CAPN9: variants seen among roughly 807,000 people sequenced by gnomAD.
CAPN9 encodes calpain-9.
Under a neutral mutation model 92.8 loss-of-function variants are expected in CAPN9, and 81 were observed. The ratio of observed to expected loss-of-function variants is 0.87; its 90% CI spans 0.73 to 1.05. The LOEUF is 1.05. Ranked by LOEUF, CAPN9 falls within the 50% of genes least tolerant of loss-of-function variation. The probability of loss-of-function intolerance (pLI) is 0.00; values close to 1 mark genes in which losing one functional copy is unlikely to be tolerated. For missense variants in CAPN9, 848 were observed against 866.2 expected (o/e 0.98, Z 0.26); for synonymous variants, 304 against 328.0 (o/e 0.93, Z 0.79).
chr1:230,772,146 G>GGGCCAGAGCTGGCTTGTGC, intron 7 of CAPN9, 47 bp downstream of exon 7: 1 of 1,518,122 alleles, frequency 6.6e-7, no homozygotes, highest in South Asian at 1.1e-5. Context: ...GGGGCGTGTG[G>GGGCCAGAGCTGGCTTGTGC]GGCCAGAGCT....
chr1:230,795,206 G>T lies in CAPN9; in HGVS notation c.1914G>T (p.Arg638Ser). Residue 638 changes from arginine to serine, a missense_variant, in exon 18 of 20, where the codon AGG becomes AGT. By Grantham distance (110) the Arg-to-Ser change is moderately radical. Coordinates refer to ENST00000271971, the MANE Select transcript of CAPN9 (RefSeq NM_006615.3). Reference protein sequence around the residue: ...SSHLLQLIVLRYADEELQLDF... With the variant: ...SSHLLQLIVLSYADEELQLDF... ...ACCTCCTGCAGCTGATTGTGCTCAG[G>T]TATGCGGATGAGGAGCTCCAGCTGG... 2 of 1,613,680 alleles carry T rather than the reference G, an allele frequency of 1.2e-6. No homozygotes were observed. Among genetic ancestry groups the T allele is most frequent in the Non-Finnish European group, 1.7e-6 (2 of 1,179,844 alleles).
intron 7 of CAPN9, 114 bp downstream of exon 7, chr1:230,772,213 C>A: frequency 1.2e-6 from 1 of 865,592 alleles, no homozygotes. Flanking sequence ...GGCTCTGACT[C>A]AGGATCCTGT....
chr1:230,787,441 C>G (rs12731671), intron 12 of CAPN9, 81 bp from the exon 13 acceptor site: 224,749 of 1,202,314 alleles, frequency 0.19, 22,389 homozygotes, highest in African/African-American at 0.28. Flanking sequence ...GGCACACAGG[C>G]TCCTGGCTTC....
In CAPN9 at chr1:230,780,501, G is replaced by A; in HGVS notation, c.1274G>A (p.Cys425Tyr). ...VLTIGYAIYE[C>Y]PDKDEHLNKD... The stretch of plus-strand genomic sequence containing the variant: ...CCCTCCCTTTCTTGCCCATTGCAGT[G>A]CCCTGACAAAGACGAACACCTGAAC... Residue 425 changes from cysteine to tyrosine, a missense_variant and splice_region_variant, in exon 11 of 20, where the codon TGC becomes TAC. Physicochemically the swap from Cys to Tyr is radical, Grantham distance 194. Transcript: ENST00000271971. 6.2e-7 allele frequency: 1 copy of A among 1,613,816 alleles called. No homozygotes were observed. The highest frequency in any genetic ancestry group is 8.5e-7 in the Non-Finnish European group (1 of 1,179,800).
intron 5 of CAPN9, among the ~76,000 whole-genome samples, chr1:230,768,015 A>T (rs975508883): frequency 1.1e-4 from 2 of 18,186 alleles, no homozygotes; most frequent in African/African-American, 6.1e-4. Flanking sequence ...AAGTATAATA[A>T]ATAAATAAAT....
rs28359649 is a variant in CAPN9, at chr1:230,769,339, G to T, written c.789+76G>T. ...CTAATCCCTTAGGCATTTATTCAGT[G>T]CATTGCAGTTTAAATGTCTGCCTTT... On this transcript the variant is annotated intron_variant, in intron 6 of 19. Transcript: ENST00000271971. 7.5e-4 allele frequency: 785 copies of T among 1,050,178 alleles called. 1 individual carries two copies. In the African/African-American group the frequency reaches 0.01, roughly 14 times the overall value. The allele number at this position is 1,050,178 out of a possible 1,614,324, so 65.1% of individuals were successfully genotyped here. A position where few individuals can be genotyped will look rare whatever the true frequency, so the allele number is the denominator to read the frequency against.
At chr1:230,785,078 G>A (rs1354802446) in intron 11 of CAPN9, among the ~76,000 whole-genome samples, 1 of 152,176 alleles carries the variant, frequency 6.6e-6, no homozygotes, top group Non-Finnish European at 1.5e-5. Flanking sequence ...ACTTGCATGG[G>A]GCCTGTAGCC....
intron 7 of CAPN9, among the ~76,000 whole-genome samples, chr1:230,773,735 G>T (rs1026617540): frequency 1.3e-5 from 2 of 152,084 alleles, no homozygotes; most frequent in Non-Finnish European, 2.9e-5. Context: ...ACCCTGGCCC[G>T]AGCACCTGGA....
chr1:230,751,638 A>G (rs929439624), intron 1 of CAPN9, among the ~76,000 whole-genome samples: 2 of 94,930 alleles, frequency 2.1e-5, no homozygotes, highest in East Asian at 2.7e-4. Flanking sequence ...AAAGAAAGAA[A>G]GAAAGAAAGA....
At chr1:230,784,107 T>C (rs80160127) in intron 11 of CAPN9, among the ~76,000 whole-genome samples, 21 of 152,208 alleles carry the variant, frequency 1.4e-4, no homozygotes, top group African/African-American at 5.1e-4. Flanking sequence ...GCATTCAGGA[T>C]GTGACCTGGC....
At chr1:230,788,261 A>T (rs1297099606) in intron 13 of CAPN9, among the ~76,000 whole-genome samples, 4 of 152,084 alleles carry the variant, frequency 2.6e-5, no homozygotes, top group Non-Finnish European at 5.9e-5. Context: ...AGTAAAGGGG[A>T]TCATGTTCAA....
At chr1:230,750,626 G>A (rs925370590) in intron 1 of CAPN9, among the ~76,000 whole-genome samples, 1 of 152,194 alleles carries the variant, frequency 6.6e-6, no homozygotes, top group Non-Finnish European at 1.5e-5. Context: ...ATTTGCAGTG[G>A]GACTCAGCAT....
intron 16 of CAPN9, 90 bp from the exon 17 acceptor site, chr1:230,792,760 C>G (rs1668090503): frequency 9.1e-7 from 1 of 1,099,232 alleles, no homozygotes; most frequent in Non-Finnish European, 1.4e-6. Flanking sequence ...TAGAGGGTAG[C>G]TCCCCCGGGC....
chr1:230,788,493 G>T (rs1667761533), intron 13 of CAPN9, among the ~76,000 whole-genome samples: 1 of 152,178 alleles, frequency 6.6e-6, no homozygotes, highest in African/African-American at 2.4e-5. Context: ...ATGTCAAGGT[G>T]CTAATGACTC....
At chr1:230,789,473 CAAAAAAAAAA>C (rs57738295) in intron 13 of CAPN9, among the ~76,000 whole-genome samples, 15 of 66,280 alleles carry the variant, frequency 2.3e-4, no homozygotes, top group East Asian at 6.2e-4. Context: ...GACCCTGTAT[CAAAAAAAAAA>C]AAAAAAAAAA....
intron 9 of CAPN9, among the ~76,000 whole-genome samples, chr1:230,779,885 G>T (rs1667086787): frequency 6.6e-6 from 1 of 152,184 alleles, no homozygotes; most frequent in African/African-American, 2.4e-5. Flanking sequence ...AGCTTTAGCA[G>T]ACTAGACCCA....
intron 12 of CAPN9, 70 bp from the exon 13 acceptor site, chr1:230,787,452 T>C: frequency 7.2e-7 from 1 of 1,393,124 alleles, no homozygotes; most frequent in Admixed American, 1.8e-5. Context: ...TCCTGGCTTC[T>C]TTCCTGCTAT....
chr1:230,761,215 A>G (rs540859646), intron 3 of CAPN9, among the ~76,000 whole-genome samples: 2 of 152,226 alleles, frequency 1.3e-5, no homozygotes, highest in African/African-American at 4.8e-5. Context: ...TTGGCCTTCT[A>G]GGAAGCAGAG....
intron 4 of CAPN9, among the ~76,000 whole-genome samples, chr1:230,765,756 A>T (rs1359435759): frequency 2.0e-5 from 3 of 152,262 alleles, no homozygotes; most frequent in African/African-American, 4.8e-5. Flanking sequence ...TGATTGTATA[A>T]ATAAATGTGG....
Sources: gnomAD v4.1 joint callset for allele counts (sites outside exome capture counted in the v4.1 genomes callset) on GRCh38, gnomAD v4.1.1 for gene constraint, MANE v1.5 for transcripts, NCBI Gene and HGNC (gene_info 2026-07-23, HGNC 2026-07-21) for gene names.